NR1H4: variants seen among roughly 807,000 people sequenced by gnomAD.
NR1H4 encodes the protein nuclear receptor subfamily 1 group H member 4, also known as bile acid receptor.
Under a neutral mutation model 58.5 loss-of-function variants are expected in NR1H4, and 23 were observed. That is an observed-to-expected ratio of 0.39 (90% CI 0.28 to 0.56). The LOEUF (loss-of-function observed/expected upper bound fraction) is 0.56. NR1H4 is among the 20% of genes least tolerant of loss of function. The pLI is 0.58. For missense variants in NR1H4, 487 were observed against 576.9 expected, an observed-to-expected ratio of 0.84 and a Z score of 1.60; for synonymous variants, 214 against 198.0, an observed-to-expected ratio of 1.08 and a Z score of -0.68.
At chr12:100,508,624 GT>G (rs1323547031) in intron 3 of NR1H4, among the ~76,000 whole-genome samples, 4 of 152,066 alleles carry the variant, frequency 2.6e-5, no homozygotes, top group Admixed American at 2.0e-4. Flanking sequence ...GGTTAATAAT[GT>G]TACCCACCTC....
At chr12:100,494,743 C>G (rs1004478307) in intron 3 of NR1H4, among the ~76,000 whole-genome samples, 6 of 152,228 alleles carry the variant, frequency 3.9e-5, no homozygotes, top group Non-Finnish European at 8.8e-5. Flanking sequence ...GTATAGACAT[C>G]TTAATGATTT....
At chr12:100,496,787 AT>A (rs987071404) in intron 3 of NR1H4, among the ~76,000 whole-genome samples, 1 of 152,168 alleles carries the variant, frequency 6.6e-6, no homozygotes, top group African/African-American at 2.4e-5. Context: ...ACTTTAAGGC[AT>A]TTAGAAGGTG....
At chr12:100,529,432 G>A (rs1048275824) in intron 4 of NR1H4, among the ~76,000 whole-genome samples, 10 of 152,078 alleles carry the variant, frequency 6.6e-5, no homozygotes, top group Middle Eastern at 3.2e-3. Context: ...ACTGTCCCCT[G>A]TCAAAGCCTT....
At chr12:100,526,331 C>T (rs550662746) in intron 4 of NR1H4, among the ~76,000 whole-genome samples, 1 of 151,920 alleles carries the variant, frequency 6.6e-6, no homozygotes, top group Non-Finnish European at 1.5e-5. Context: ...CTGCTTTTGT[C>T]ACATCCCATA....
intron 4 of NR1H4, among the ~76,000 whole-genome samples, chr12:100,514,723 A>G (rs1303084245): frequency 6.6e-6 from 1 of 152,178 alleles, no homozygotes; most frequent in Admixed American, 6.5e-5. Flanking sequence ...GGGAAGCTAT[A>G]ATATTTCTTG....
In NR1H4 at chr12:100,554,522, T is replaced by C. The variant is rs367991473; in HGVS notation, c.1079-7363T>C. On this transcript the variant is annotated intron_variant, in intron 9 of 10. Transcript: ENST00000392986. ...CTAAAGCAGTATAGTGTTAATTCTA[T>C]CAAATGGTTATTCTCTCAAAGAATA... Among the ~76,000 whole-genome samples, 8 of 152,292 alleles carry C rather than the reference T, an allele frequency of 5.3e-5. No homozygotes were observed. In the East Asian group the frequency reaches 5.8e-4, roughly 11 times the overall value.
intron 3 of NR1H4, among the ~76,000 whole-genome samples, chr12:100,501,100 T>C (rs1271665988): frequency 6.6e-6 from 1 of 151,816 alleles, no homozygotes; most frequent in Non-Finnish European, 1.5e-5. Context: ...CAACAAGGGT[T>C]TCCTGGGTCA....
At chr12:100,541,031 C>A (rs186883191) in intron 9 of NR1H4, among the ~76,000 whole-genome samples, 154 of 152,162 alleles carry the variant, frequency 1.0e-3, no homozygotes, top group African/African-American at 3.6e-3. Context: ...GCAAAACTAC[C>A]CCTTTACTGC....
At chr12:100,543,971 G>A (rs1219195963) in intron 9 of NR1H4, among the ~76,000 whole-genome samples, 1 of 152,084 alleles carries the variant, frequency 6.6e-6, no homozygotes, top group Non-Finnish European at 1.5e-5. Context: ...AATCCCAGTT[G>A]GCCGGGTGCG....
rs1953628770 is a variant in NR1H4 at position 100,492,612 on chromosome 12, C to T, written c.-80C>T. 1 of 152,144 alleles carries T rather than the reference C, an allele frequency of 6.6e-6. No individual in the cohort carries two copies. 9.4% of individuals were successfully genotyped at this position (152,144 alleles called of 1,614,324 possible). A position where few individuals can be genotyped will look rare whatever the true frequency, so the allele number is the denominator to read the frequency against. On this transcript the variant is annotated 5_prime_UTR_variant, in exon 2 of 11. Coordinates refer to ENST00000392986, the MANE Select transcript of NR1H4 (RefSeq NM_001206979.2). Reference sequence around the variant, plus strand: ...TTCCTGGATTTCTTCTGGACATTTCCTCAAGATGAAACTTCAGACACTTTG... The same window carrying T: ...TTCCTGGATTTCTTCTGGACATTTCTTCAAGATGAAACTTCAGACACTTTG...
intron 1 of NR1H4, among the ~76,000 whole-genome samples, chr12:100,481,370 C>T (rs1039678173): frequency 1.1e-4 from 16 of 152,140 alleles, no homozygotes; most frequent in African/African-American, 3.9e-4. Flanking sequence ...AACAAACTTT[C>T]CTGATTATGA....
chr12:100,536,803 G>T, intron 7 of NR1H4, 145 bp from the exon 8 acceptor site: 2 of 659,978 alleles, frequency 3.0e-6, no homozygotes, highest in South Asian at 3.9e-5. Context: ...TCTTGATAAT[G>T]GTAATTGCCC....
chr12:100,541,709 GC>G (rs1954940027), intron 9 of NR1H4, among the ~76,000 whole-genome samples: 1 of 149,328 alleles, frequency 6.7e-6, no homozygotes, highest in Admixed American at 6.8e-5. Context: ...ATTTTTTTGT[GC>G]TTCAGCTTCC....
intron 4 of NR1H4, among the ~76,000 whole-genome samples, chr12:100,511,745 A>C (rs1387711698): frequency 6.6e-6 from 1 of 151,770 alleles, no homozygotes; most frequent in East Asian, 1.9e-4. Context: ...AACACGGTGA[A>C]ATCTCGTCTC....
intron 4 of NR1H4, among the ~76,000 whole-genome samples, chr12:100,524,098 A>G (rs1334778728): frequency 1.3e-5 from 2 of 152,206 alleles, no homozygotes; most frequent in African/African-American, 2.4e-5. Flanking sequence ...ACAAACTAAG[A>G]TGATAAAAAC....
At chr12:100,560,306 C>T (rs894339905) in intron 9 of NR1H4, among the ~76,000 whole-genome samples, 12 of 152,196 alleles carry the variant, frequency 7.9e-5, no homozygotes, top group Admixed American at 6.5e-4. Context: ...CACTCGGGTC[C>T]CCTTCCACAC....
At chr12:100,525,344 C>A (rs1444617383) in intron 4 of NR1H4, 1 of 152,128 alleles carries the variant, frequency 6.6e-6, no homozygotes, top group Non-Finnish European at 1.5e-5. Context: ...ATATGGGTAT[C>A]CTCAGCAGAG....
intron 9 of NR1H4, among the ~76,000 whole-genome samples, chr12:100,555,389 C>G (rs1276159175): frequency 6.6e-6 from 1 of 152,116 alleles, no homozygotes; most frequent in Non-Finnish European, 1.5e-5. Context: ...GCTTTAATAC[C>G]TGGAAAAATA....
At chr12:100,499,682 A>G (rs1454128047) in intron 3 of NR1H4, among the ~76,000 whole-genome samples, 1 of 152,242 alleles carries the variant, frequency 6.6e-6, no homozygotes, top group East Asian at 1.9e-4. Context: ...GCTAAGAAAC[A>G]GATTCTTAGG....
Sources: allele counts gnomAD v4.1 joint callset (sites outside exome capture counted in the v4.1 genomes callset), GRCh38; gene constraint gnomAD v4.1.1; transcripts MANE v1.5; gene names NCBI Gene and HGNC (gene_info 2026-07-23, HGNC 2026-07-21).